GPC5: variants seen among roughly 807,000 people sequenced by gnomAD.
GPC5 encodes glypican-5.
Under a neutral mutation model 53.9 loss-of-function variants are expected in GPC5, and 47 were observed. That is an observed-to-expected ratio of 0.87 (90% CI 0.69 to 1.11). The LOEUF (loss-of-function observed/expected upper bound fraction) is 1.11. GPC5 is among the 50% of genes most tolerant of loss of function. GPC5 has a pLI of 0.00. For synonymous variants in GPC5, 286 were observed against 263.3 expected, an observed-to-expected ratio of 1.09 and a Z score of -0.84; for missense variants, 748 against 713.1, an observed-to-expected ratio of 1.05 and a Z score of -0.56.
Position 92,505,734 on chromosome 13 carries a change from G to A in GPC5, c.1562-360548G>A, listed in dbSNP as rs577580755. On this transcript the variant is annotated intron_variant, in intron 7 of 7. Transcript: ENST00000377067. ...TATCTTTCAATGGTTGAATGGATAA[G>A]CAAATTATGATACATCCCGACTATA... 3.9e-5 allele frequency among the ~76,000 whole-genome samples: 6 copies of A among 152,202 alleles called. No homozygotes were observed. The East Asian group carries it at 1.2e-3, about 29-fold the overall frequency.
At chr13:92,397,634 T>G (rs1054873080) in intron 7 of GPC5, among the ~76,000 whole-genome samples, 1 of 152,224 alleles carries the variant, frequency 6.6e-6, no homozygotes, top group Non-Finnish European at 1.5e-5. Flanking sequence ...ATGGTGATGG[T>G]TTCCTCTGCA....
At chr13:92,362,103 A>G (rs2043572467) in intron 7 of GPC5, among the ~76,000 whole-genome samples, 1 of 151,774 alleles carries the variant, frequency 6.6e-6, no homozygotes, top group African/African-American at 2.4e-5. Flanking sequence ...AGTCATACAG[A>G]TAATTAAACA....
chr13:92,558,326 G>C (rs1882571353), intron 7 of GPC5, among the ~76,000 whole-genome samples: 1 of 152,058 alleles, frequency 6.6e-6, no homozygotes, highest in South Asian at 2.1e-4. Flanking sequence ...GTTAATTTAT[G>C]CATTTTCTAA....
intron 7 of GPC5, among the ~76,000 whole-genome samples, chr13:92,650,091 T>C (rs1351802188): frequency 1.3e-5 from 2 of 152,154 alleles, no homozygotes; most frequent in Non-Finnish European, 2.9e-5. Flanking sequence ...TCAATGTAGG[T>C]TAGTATCATA....
At chr13:92,789,945 C>T (rs1006999878) in intron 7 of GPC5, among the ~76,000 whole-genome samples, 1 of 152,072 alleles carries the variant, frequency 6.6e-6, no homozygotes, top group Non-Finnish European at 1.5e-5. Context: ...GCCTGACAGC[C>T]CTTGGCAAAC....
At chr13:91,989,648 T>A (rs892424452) in intron 6 of GPC5, among the ~76,000 whole-genome samples, 7 of 152,182 alleles carry the variant, frequency 4.6e-5, no homozygotes, top group African/African-American at 1.7e-4. Flanking sequence ...AGGCATGTCA[T>A]TTATTCTCTC....
At chr13:92,151,540 T>C in intron 7 of GPC5, among the ~76,000 whole-genome samples, 1 of 152,160 alleles carries the variant, frequency 6.6e-6, no homozygotes, top group East Asian at 1.9e-4. Flanking sequence ...AGGCCAGTAA[T>C]GGTGGCTGAT....
chr13:92,742,341 G>A (rs9523796), intron 7 of GPC5, among the ~76,000 whole-genome samples: 40,238 of 151,344 alleles, frequency 0.27, 5,549 homozygotes, highest in East Asian at 0.49. Flanking sequence ...GCCAGTGATG[G>A]TGAGCATTTT....
chr13:92,721,600 T>A (rs1888510669), intron 7 of GPC5: 1 of 151,918 alleles, frequency 6.6e-6, no homozygotes, highest in Non-Finnish European at 1.5e-5. Flanking sequence ...AGAAAAGAAG[T>A]TTTTTGCAAA....
At chr13:92,170,420 C>CTTTTTTTTTTTTTTTTT (rs61418155) in intron 7 of GPC5, among the ~76,000 whole-genome samples, 2 of 75,260 alleles carry the variant, frequency 2.7e-5, no homozygotes, top group African/African-American at 5.2e-5. Context: ...CTTTTCTTTG[C>CTTTTTTTTTTTTTTTTT]TTTTTTTTTT....
At chr13:92,732,144 A>T (rs9523791) in intron 7 of GPC5, among the ~76,000 whole-genome samples, 1 of 151,276 alleles carries the variant, frequency 6.6e-6, no homozygotes, top group Non-Finnish European at 1.5e-5. Context: ...ACTTAGAAAA[A>T]GAACAGGTAT....
Position 92,138,975 on chromosome 13 carries a change from C to A in GPC5, c.1402-5855C>A, listed in dbSNP as rs1177631197. On this transcript the variant is annotated intron_variant, in intron 6 of 7. Coordinates refer to ENST00000377067, the MANE Select transcript of GPC5 (RefSeq NM_004466.6). Reference sequence around the variant, plus strand: ...CATTTTTGAAAATATTCCTATATTCCAGATTTATAATGAAGCATTTTTGTA... The same window carrying A: ...CATTTTTGAAAATATTCCTATATTCAAGATTTATAATGAAGCATTTTTGTA... 2.0e-5 allele frequency among the ~76,000 whole-genome samples: 3 copies of A among 151,816 alleles called. No individual in the cohort carries two copies. The East Asian group carries it at 5.8e-4, about 29-fold the overall frequency.
At chr13:91,597,977 C>T (rs2139204845) in intron 2 of GPC5, among the ~76,000 whole-genome samples, 1 of 151,916 alleles carries the variant, frequency 6.6e-6, no homozygotes, top group South Asian at 2.1e-4. Flanking sequence ...TCCACTGTTT[C>T]ACCCAGAACA....
At chr13:92,787,674 AAAAAAAAAAG>A (rs1343754648) in intron 7 of GPC5, among the ~76,000 whole-genome samples, 1 of 149,400 alleles carries the variant, frequency 6.7e-6, no homozygotes, top group Non-Finnish European at 1.5e-5. Context: ...CTACAAAAAA[AAAAAAAAAAG>A]AAAAGAAAAG....
chr13:92,528,103 T>G (rs996321969), intron 7 of GPC5, among the ~76,000 whole-genome samples: 4 of 152,086 alleles, frequency 2.6e-5, no homozygotes, highest in Non-Finnish European at 5.9e-5. Context: ...CACTAGAGAA[T>G]TGAAACCTAA....
chr13:92,542,061 C>A (rs1012162401), intron 7 of GPC5, among the ~76,000 whole-genome samples: 2 of 151,918 alleles, frequency 1.3e-5, no homozygotes, highest in Middle Eastern at 3.2e-3. Context: ...TTAATTGACA[C>A]ATAACAATTG....
At chr13:92,303,762 A>G (rs2043091405) in intron 7 of GPC5, among the ~76,000 whole-genome samples, 1 of 152,236 alleles carries the variant, frequency 6.6e-6, no homozygotes, top group Non-Finnish European at 1.5e-5. Flanking sequence ...AATAATACTC[A>G]TACAGTGTTT....
chr13:91,597,448 G>A (rs1238054338), intron 2 of GPC5, among the ~76,000 whole-genome samples: 2 of 151,870 alleles, frequency 1.3e-5, no homozygotes, highest in East Asian at 3.9e-4. Flanking sequence ...TGTTAATTTT[G>A]AGCCTGCCAA....
At chr13:92,632,993 C>A (rs370352715) in intron 7 of GPC5, among the ~76,000 whole-genome samples, 5 of 152,108 alleles carry the variant, frequency 3.3e-5, no homozygotes, top group Non-Finnish European at 7.4e-5. Flanking sequence ...GGGGTTCAAG[C>A]GGTTCTCCTG....
Sources: gnomAD v4.1 joint callset for allele counts (sites outside exome capture counted in the v4.1 genomes callset) on GRCh38, gnomAD v4.1.1 for gene constraint, MANE v1.5 for transcripts, NCBI Gene and HGNC (gene_info 2026-07-23, HGNC 2026-07-21) for gene names.